Variants in PPARGC1B observed in about 807,000 individuals in gnomAD.
PPARGC1B encodes the protein peroxisome proliferator-activated receptor gamma coactivator 1-beta.
A neutral mutation model predicts 101.6 loss-of-function variants in PPARGC1B; 34 were observed. The observed-to-expected ratio is 0.33, with a 90% confidence interval of 0.25 to 0.45. The LOEUF (loss-of-function observed/expected upper bound fraction) is 0.45, where lower values mean the gene tolerates loss of function less well. PPARGC1B is among the 20% of genes least tolerant of loss of function. The pLI is 1.00. For synonymous variants in PPARGC1B, 548 were observed against 539.3 expected, an observed-to-expected ratio of 1.02 and a Z score of -0.22; for missense variants, 1,234 against 1,317.6, an observed-to-expected ratio of 0.94 and a Z score of 0.98.
At chr5:149,741,321 C>T (rs916586481) in intron 1 of PPARGC1B, among the ~76,000 whole-genome samples, 19 of 152,332 alleles carry the variant, frequency 1.2e-4, no homozygotes, top group Admixed American at 9.8e-4. Flanking sequence ...TGGCTGCTCG[C>T]GCCTTTATTT....
Position 149,774,691 on chromosome 5 carries a change from C to T in PPARGC1B, c.78+44271C>T, listed in dbSNP as rs1054868053. On this transcript the variant is annotated intron_variant, in intron 1 of 11. Coordinates refer to ENST00000309241, the MANE Select transcript of PPARGC1B (RefSeq NM_133263.4). ...ACCTGTAATGACTAGGTCCCTGCCCCATGTGTGACCTGGCAGCTGGGCAGG... is the reference window on the plus strand; with the variant it reads ...ACCTGTAATGACTAGGTCCCTGCCCTATGTGTGACCTGGCAGCTGGGCAGG... 2.0e-5 allele frequency among the ~76,000 whole-genome samples: 3 copies of T among 152,016 alleles called. No homozygotes were observed. The South Asian group carries it at 6.3e-4, about 32-fold the overall frequency.
intron 1 of PPARGC1B, among the ~76,000 whole-genome samples, chr5:149,772,295 G>T (rs1756163449): frequency 6.6e-6 from 1 of 152,168 alleles, no homozygotes; most frequent in Non-Finnish European, 1.5e-5. Flanking sequence ...GGTAGTGTGC[G>T]TGATGTGCTG....
At chr5:149,794,283 A>G (rs1757126082) in intron 1 of PPARGC1B, among the ~76,000 whole-genome samples, 1 of 152,168 alleles carries the variant, frequency 6.6e-6, no homozygotes, top group Non-Finnish European at 1.5e-5. Context: ...GAATGGTAAG[A>G]TTTCAGATTG....
At position 149,845,456 on chromosome 5, in the gene PPARGC1B, G is replaced by A. The variant is rs1219566476; in HGVS notation, c.2817-304G>A. On this transcript the variant is annotated intron_variant, in intron 10 of 11. Coordinates refer to ENST00000309241, the MANE Select transcript of PPARGC1B (RefSeq NM_133263.4). Reference sequence around the variant, plus strand: ...GCTTTTGGGTAAATTACTGAACTCCGCAGAACCTCTTTCCTCATCTGCAAG... The same window carrying A: ...GCTTTTGGGTAAATTACTGAACTCCACAGAACCTCTTTCCTCATCTGCAAG... 3.3e-5 allele frequency among the ~76,000 whole-genome samples: 5 copies of A among 152,188 alleles called. 1 individual carries two copies. In the South Asian group the frequency reaches 6.2e-4, roughly 19 times the overall value.
intron 1 of PPARGC1B, among the ~76,000 whole-genome samples, chr5:149,766,635 C>T (rs769675046): frequency 2.0e-5 from 3 of 152,196 alleles, no homozygotes; most frequent in East Asian, 1.9e-4. Context: ...GAGGGTGTCA[C>T]GGGCTGCATT....
chr5:149,812,048 G>A (rs948018930), intron 1 of PPARGC1B, among the ~76,000 whole-genome samples: 10 of 152,198 alleles, frequency 6.6e-5, no homozygotes, highest in Admixed American at 1.3e-4. Context: ...TACCTACTTG[G>A]CTAAGGCTTG....
chr5:149,825,583 T>C (rs1402626988), intron 2 of PPARGC1B, among the ~76,000 whole-genome samples: 1 of 152,252 alleles, frequency 6.6e-6, no homozygotes, highest in Non-Finnish European at 1.5e-5. Flanking sequence ...CACCACATTC[T>C]TTTTCTCCAT....
intron 1 of PPARGC1B, among the ~76,000 whole-genome samples, chr5:149,779,825 G>A (rs1756528312): frequency 6.6e-6 from 1 of 152,202 alleles, no homozygotes; most frequent in African/African-American, 2.4e-5. Context: ...CTGTGTGCTG[G>A]GGTTGCCCAG....
intron 1 of PPARGC1B, among the ~76,000 whole-genome samples, chr5:149,790,899 A>G (rs1295814042): frequency 6.6e-6 from 1 of 152,002 alleles, no homozygotes; most frequent in East Asian, 1.9e-4. Context: ...TGGATTCAGG[A>G]TCTCTGGGGT....
chr5:149,771,873 A>G (rs1489954589), intron 1 of PPARGC1B: 1 of 582,546 alleles, frequency 1.7e-6, no homozygotes, highest in Non-Finnish European at 2.7e-6. Context: ...TATCCCCACC[A>G]TGGCCAATTT....
chr5:149,826,745 G>A lies in PPARGC1B; in HGVS notation c.325G>A (p.Gly109Ser), dbSNP rs150279088. ...GGATGACATCCCTGAAGATGACGTGGGTCTGGCTGCCTTCCCAGCCCTGGA... is the reference window on the plus strand; with the variant it reads ...GGATGACATCCCTGAAGATGACGTGAGTCTGGCTGCCTTCCCAGCCCTGGA... The part of the protein sequence containing the change: ...TLDDIPEDDV[G>S]LAAFPALDGG... The change falls in exon 3 of 12, where the codon GGT becomes AGT. Residue 109 changes from glycine to serine, a missense_variant. Around this residue, in one of 3 missense-constraint regions of PPARGC1B, gnomAD observed 734 missense variants for 768.4 expected, o/e 0.96. Coordinates refer to ENST00000309241, the MANE Select transcript of PPARGC1B (RefSeq NM_133263.4). The A allele has an allele frequency of 1.5e-4, 239 of 1,613,906 alleles. 2 individuals carry two copies. Among genetic ancestry groups the A allele is most frequent in the Middle Eastern group, 1.6e-4 (1 of 6,084 alleles).
rs150279088 is a variant in PPARGC1B at position 149,826,745 on chromosome 5, G to C, written c.325G>C (p.Gly109Arg). Residue 109 changes from glycine to arginine, a missense_variant, in exon 3 of 12, where the codon GGT becomes CGT. Gly to Arg is a moderately radical substitution (Grantham distance 125). Transcript: ENST00000309241. ...TLDDIPEDDV[G>R]LAAFPALDGG... The stretch of plus-strand genomic sequence containing the variant: ...GGATGACATCCCTGAAGATGACGTG[G>C]GTCTGGCTGCCTTCCCAGCCCTGGA... 106 of 1,613,906 alleles carry C rather than the reference G, an allele frequency of 6.6e-5. No individual in the cohort carries two copies. Among genetic ancestry groups the C allele is most frequent in the Non-Finnish European group, 8.7e-5 (103 of 1,179,980 alleles).
chr5:149,818,653 G>C (rs976190608), intron 1 of PPARGC1B, among the ~76,000 whole-genome samples: 1 of 152,168 alleles, frequency 6.6e-6, no homozygotes. Context: ...AAGGTCTGGG[G>C]AAAACCTGTT....
At chr5:149,764,562 AGAG>A (rs1755834770) in intron 1 of PPARGC1B, among the ~76,000 whole-genome samples, 1 of 152,236 alleles carries the variant, frequency 6.6e-6, no homozygotes, top group South Asian at 2.1e-4. Context: ...AGAATTTTAC[AGAG>A]GAGGAAACTG....
chr5:149,756,040 C>T (rs1581017404), intron 1 of PPARGC1B, among the ~76,000 whole-genome samples: 1 of 152,056 alleles, frequency 6.6e-6, no homozygotes, highest in African/African-American at 2.4e-5. Context: ...GTTGTTTGAC[C>T]TTGGGCATGT....
chr5:149,805,185 G>A (rs528134336), intron 1 of PPARGC1B, among the ~76,000 whole-genome samples: 3 of 152,280 alleles, frequency 2.0e-5, no homozygotes, highest in South Asian at 4.2e-4. Context: ...AGATAACATG[G>A]GGAATGCCCA....
At chr5:149,794,907 G>T (rs1335414868) in intron 1 of PPARGC1B, among the ~76,000 whole-genome samples, 3 of 152,226 alleles carry the variant, frequency 2.0e-5, no homozygotes, top group Non-Finnish European at 4.4e-5. Flanking sequence ...GCAGTCATGG[G>T]GTGGGTCCTG....
At position 149,730,944 on chromosome 5, in the gene PPARGC1B, T is replaced by G. The variant is rs1002648510; in HGVS notation, c.78+524T>G. Among the ~76,000 whole-genome samples the G allele has an allele frequency of 6.6e-6, 1 of 152,222 alleles. No homozygotes were observed. Among genetic ancestry groups the G allele is most frequent in the African/African-American group, 2.4e-5 (1 of 41,456 alleles). On this transcript the variant is annotated intron_variant, in intron 1 of 11. Transcript: ENST00000309241. This position sits in a 1 kb window ranked among gnomAD's most constrained non-coding sequence, Gnocchi z 4.0. ...CTACCCGCGCCCGCAGCGCGGAGTT[T>G]CCTGCCAGTTGCCGGCTAAAGGCAT...
chr5:149,837,120 C>T lies in PPARGC1B; in HGVS notation c.2618+47C>T. The T allele has an allele frequency of 6.5e-7, 1 of 1,539,774 alleles. No homozygotes were observed. The highest frequency in any genetic ancestry group is 8.7e-7 in the Non-Finnish European group (1 of 1,143,872). ...AGAGGCAGCGGGCAGTGGAGGATCC[C>T]AGTTCCCGGGGAGCCAGGAGCCCCA... On this transcript the variant is annotated intron_variant, in intron 8 of 11. Transcript: ENST00000309241. This position sits in a 1 kb window ranked among gnomAD's most constrained non-coding sequence, Gnocchi z 4.2.
Sources: gnomAD v4.1 joint callset for allele counts (sites outside exome capture counted in the v4.1 genomes callset) on GRCh38, gnomAD v4.1.1 for gene constraint, gnomAD v4.1.1 regional missense constraint, Gnocchi (gnomAD v3.1) non-coding constraint, MANE v1.5 for transcripts, NCBI Gene and HGNC (gene_info 2026-07-23, HGNC 2026-07-21) for gene names.